The following PIGK variants were observed in gnomAD, a reference collection of about 807,000 sequenced individuals.
PIGK encodes the protein GPI-anchor transamidase.
Under a neutral mutation model 50.6 loss-of-function variants are expected in PIGK, and 42 were observed. That is an observed-to-expected ratio of 0.83 (90% CI 0.65 to 1.07). The LOEUF is 1.07. PIGK is among the 50% of genes least tolerant of loss of function. The pLI is 0.00. For synonymous variants in PIGK, 151 were observed against 156.0 expected, an observed-to-expected ratio of 0.97 and a Z score of 0.24; for missense variants, 448 against 488.7, an observed-to-expected ratio of 0.92 and a Z score of 0.78.
intron 9 of PIGK, among the ~76,000 whole-genome samples, chr1:77,125,417 A>G (rs1174551134): frequency 1.3e-5 from 2 of 152,152 alleles, no homozygotes; most frequent in Non-Finnish European, 2.9e-5. Flanking sequence ...AGTAATCTTG[A>G]GTATCACTGT....
At chr1:77,141,085 T>A (rs1054123463) in intron 9 of PIGK, among the ~76,000 whole-genome samples, 3 of 152,122 alleles carry the variant, frequency 2.0e-5, no homozygotes, top group Non-Finnish European at 4.4e-5. Context: ...ATCTTTGCTA[T>A]AAAGAAATAA....
rs570925048 is a variant in PIGK, at chr1:77,123,281, A to G, written c.987-922T>C. Among the ~76,000 whole-genome samples, 50 of 152,308 alleles carry G rather than the reference A, an allele frequency of 3.3e-4. 1 individual carries two copies. The highest frequency in any genetic ancestry group is 6.5e-4 in the Non-Finnish European group (44 of 68,018). On this transcript the variant is annotated intron_variant, in intron 9 of 10. Transcript: ENST00000370812. ...TCCTTTTGCCTTTTCTGTGAATTAC[A>G]CATCAGCTTATCAACTTAAAAATTA...
chr1:77,191,304 T>C (rs574002867), intron 3 of PIGK, among the ~76,000 whole-genome samples: 1 of 152,340 alleles, frequency 6.6e-6, no homozygotes, highest in East Asian at 1.9e-4. Context: ...CTATCATAAC[T>C]TAAACTACTA....
intron 10 of PIGK, among the ~76,000 whole-genome samples, chr1:77,093,551 G>C (rs149432664): frequency 6.6e-6 from 1 of 152,036 alleles, no homozygotes; most frequent in Admixed American, 6.6e-5. Context: ...AAACTAAAAG[G>C]AAAGAAAGCT....
chr1:77,099,521 A>T (rs1653495196), intron 10 of PIGK, among the ~76,000 whole-genome samples: 1 of 152,174 alleles, frequency 6.6e-6, no homozygotes, highest in Non-Finnish European at 1.5e-5. Flanking sequence ...TTTATTACTG[A>T]TGTCCAACTT....
chr1:77,181,494 G>C (rs1464740114), intron 3 of PIGK, among the ~76,000 whole-genome samples: 1 of 152,062 alleles, frequency 6.6e-6, no homozygotes, highest in Admixed American at 6.6e-5. Context: ...GCTTAAAAAT[G>C]TTATATATAA....
chr1:77,219,308 A>G lies in PIGK; in HGVS notation c.93+2T>C. 6.2e-7 allele frequency: 1 copy of G among 1,612,676 alleles called. No individual in the cohort carries two copies. The highest frequency in any genetic ancestry group is 8.5e-7 in the Non-Finnish European group (1 of 1,178,958). ...CTGTGGTCAAATGAGCCTGACTCCT[A>G]CCTCGATATGACTAGCGGCCACGCT... is the stretch of plus-strand genomic sequence containing the variant. On this transcript the variant is annotated splice_donor_variant, in intron 1 of 10. Coordinates refer to ENST00000370812, the MANE Select transcript of PIGK (RefSeq NM_005482.3). LOFTEE classifies it high-confidence loss of function.
chr1:77,156,687 T>C (rs1047315072), intron 8 of PIGK, among the ~76,000 whole-genome samples: 14 of 152,186 alleles, frequency 9.2e-5, no homozygotes, highest in African/African-American at 3.4e-4. Context: ...ATGCTATACT[T>C]CTTCTCTTCC....
intron 3 of PIGK, among the ~76,000 whole-genome samples, chr1:77,196,802 G>A (rs1656048983): frequency 1.3e-5 from 2 of 152,038 alleles, no homozygotes; most frequent in African/African-American, 4.8e-5. Context: ...CTTTTCCTGT[G>A]CAAAAGCTCT....
chr1:77,145,144 A>G (rs945242232), intron 9 of PIGK, among the ~76,000 whole-genome samples: 1 of 151,924 alleles, frequency 6.6e-6, no homozygotes, highest in Non-Finnish European at 1.5e-5. Flanking sequence ...AATCAATTTT[A>G]CCCGAATCTC....
At chr1:77,190,307 G>A (rs957562353) in intron 3 of PIGK, among the ~76,000 whole-genome samples, 1 of 152,000 alleles carries the variant, frequency 6.6e-6, no homozygotes, top group African/African-American at 2.4e-5. Flanking sequence ...AGGCCGAGGC[G>A]GGAGGACTGC....
intron 3 of PIGK, among the ~76,000 whole-genome samples, chr1:77,180,787 T>C (rs1655594193): frequency 1.3e-5 from 2 of 152,142 alleles, no homozygotes; most frequent in African/African-American, 4.8e-5. Context: ...CTGATTAGCC[T>C]TTCCAAAGGA....
At chr1:77,120,291 T>C (rs1178651118) in intron 10 of PIGK, among the ~76,000 whole-genome samples, 1 of 152,172 alleles carries the variant, frequency 6.6e-6, no homozygotes, top group Non-Finnish European at 1.5e-5. Flanking sequence ...CTCAGCTCAC[T>C]GTAGCCTCAA....
chr1:77,155,261 A>G (rs1389731910), intron 8 of PIGK, among the ~76,000 whole-genome samples: 2 of 152,192 alleles, frequency 1.3e-5, no homozygotes, highest in African/African-American at 4.8e-5. Flanking sequence ...TCCAAAGAAT[A>G]CAGTCTGAAA....
intron 8 of PIGK, among the ~76,000 whole-genome samples, chr1:77,155,707 G>A (rs1416638801): frequency 6.6e-6 from 1 of 152,064 alleles, no homozygotes; most frequent in African/African-American, 2.4e-5. Flanking sequence ...TAGTTTGGCT[G>A]AAGCATGAGA....
chr1:77,097,987 A>G (rs544609906), intron 10 of PIGK, among the ~76,000 whole-genome samples: 44 of 152,284 alleles, frequency 2.9e-4, no homozygotes, highest in Admixed American at 5.9e-4. Context: ...ATATAACGCT[A>G]AACAATAATG....
chr1:77,097,932 TTACTC>T (rs1255057787), intron 10 of PIGK, among the ~76,000 whole-genome samples: 4 of 152,096 alleles, frequency 2.6e-5, no homozygotes, highest in African/African-American at 4.8e-5. Context: ...ACAATCTACA[TTACTC>T]TACAGAGAGG....
chr1:77,121,954 G>A (rs1654103410), intron 10 of PIGK, among the ~76,000 whole-genome samples: 1 of 152,088 alleles, frequency 6.6e-6, no homozygotes, highest in South Asian at 2.1e-4. Context: ...CTTTTTCCTT[G>A]TCACTAAGTA....
chr1:77,113,668 T>C (rs1653902251), intron 10 of PIGK, among the ~76,000 whole-genome samples: 1 of 152,158 alleles, frequency 6.6e-6, no homozygotes, highest in Non-Finnish European at 1.5e-5. Context: ...TTAAAAATGA[T>C]TTTATTGAAA....
Sources: allele counts gnomAD v4.1 joint callset (sites outside exome capture counted in the v4.1 genomes callset), GRCh38; gene constraint gnomAD v4.1.1; transcripts MANE v1.5; gene names NCBI Gene and HGNC (gene_info 2026-07-23, HGNC 2026-07-21).